The following NRXN3 variants were observed in gnomAD, a reference collection of about 807,000 sequenced individuals.
NRXN3 encodes the protein neurexin 3, also known as neurexin III.
In NRXN3, 32 loss-of-function variants were observed where a neutral mutation model predicts 137.6. The ratio of observed to expected loss-of-function variants is 0.23; its 90% CI spans 0.18 to 0.31. The LOEUF (loss-of-function observed/expected upper bound fraction) is 0.31. Among genes scored for constraint, NRXN3 ranks in the 10% least tolerant of loss-of-function variants. The pLI, the probability that NRXN3 is intolerant of heterozygous loss-of-function variation, is 1.00. For synonymous variants in NRXN3, 798 were observed against 784.5 expected (o/e 1.02, Z -0.29); for missense variants, 1,574 against 2,062.5 (o/e 0.76, Z 4.59).
At chr14:79,211,320 A>G (rs921481942) in intron 15 of NRXN3, among the ~76,000 whole-genome samples, 3 of 152,290 alleles carry the variant, frequency 2.0e-5, no homozygotes, top group Middle Eastern at 3.4e-3. Context: ...GCTCAATGTT[A>G]AATTGTTTTT....
intron 16 of NRXN3, among the ~76,000 whole-genome samples, chr14:79,586,626 C>T (rs1420475614): frequency 2.0e-5 from 3 of 152,128 alleles, no homozygotes; most frequent in Non-Finnish European, 4.4e-5. Flanking sequence ...TGAGCCACCG[C>T]GCCAGGCCCT....
At chr14:78,463,349 G>A (rs1350733503) in intron 4 of NRXN3, among the ~76,000 whole-genome samples, 1 of 113,312 alleles carries the variant, frequency 8.8e-6, no homozygotes, top group Non-Finnish European at 2.0e-5. Flanking sequence ...AATAGTGGCT[G>A]CAATAAACAT....
chr14:79,457,447 TAATCATGGAG>T (rs2096272932), intron 15 of NRXN3, among the ~76,000 whole-genome samples: 1 of 152,206 alleles, frequency 6.6e-6, no homozygotes, highest in South Asian at 2.1e-4. Flanking sequence ...GTCGCCTTCT[TAATCATGGAG>T]AAACTGAGGC....
At chr14:78,974,456 A>G (rs1011396815) in intron 14 of NRXN3, among the ~76,000 whole-genome samples, 6 of 152,212 alleles carry the variant, frequency 3.9e-5, no homozygotes, top group Non-Finnish European at 7.4e-5. Flanking sequence ...CCAAAGGAAT[A>G]ATGGTTTGTA....
chr14:78,418,599 A>G (rs2093277483), intron 4 of NRXN3, among the ~76,000 whole-genome samples: 1 of 152,152 alleles, frequency 6.6e-6, no homozygotes, highest in Non-Finnish European at 1.5e-5. Context: ...TGTGCCTTAC[A>G]AGGAAACAAG....
In NRXN3 at chr14:79,861,579, C is replaced by T. The variant is rs746905701; in HGVS notation, c.4331C>T (p.Pro1444Leu). The T allele has an allele frequency of 1.2e-6, 2 of 1,605,336 alleles. No homozygotes were observed. The highest frequency in any genetic ancestry group is 2.3e-5 in the East Asian group (1 of 44,400). ...LKPQPDIVLL[P>L]LPTAYELDST... ...CCCCAGCCTGATATAGTCTTGCTTC[C>T]GTTGCCCACTGCCTATGAGCTAGAC... Residue 1444 changes from proline (P) to leucine (L), a missense_variant, in exon 21 of 21, where the codon CCG becomes CTG. This residue lies in a region of NRXN3 where 320 missense variants were observed against 387.1 expected (regional missense o/e 0.83). Transcript: ENST00000335750. This position sits in a 1 kb window ranked among gnomAD's most constrained non-coding sequence, Gnocchi z 5.4.
chr14:78,640,364 C>T (rs1200495447), intron 4 of NRXN3, among the ~76,000 whole-genome samples: 1 of 152,170 alleles, frequency 6.6e-6, no homozygotes, highest in African/African-American at 2.4e-5. Flanking sequence ...AATGGTTCCC[C>T]ATAACTTATA....
At chr14:79,604,758 G>A (rs999798925) in intron 16 of NRXN3, among the ~76,000 whole-genome samples, 98 of 152,150 alleles carry the variant, frequency 6.4e-4, no homozygotes, top group African/African-American at 2.3e-3. Context: ...AGGGTTGGGT[G>A]TGGCGGCTCA....
chr14:79,663,243 T>TAC (rs1363675094), intron 16 of NRXN3, among the ~76,000 whole-genome samples: 1 of 147,562 alleles, frequency 6.8e-6, no homozygotes, highest in African/African-American at 2.6e-5. Context: ...TGTGTGTGTG[T>TAC]ACGCGTGTGT....
At chr14:78,505,294 G>A (rs2095965793) in intron 4 of NRXN3, among the ~76,000 whole-genome samples, 1 of 152,114 alleles carries the variant, frequency 6.6e-6, no homozygotes. Flanking sequence ...AGTGACATAA[G>A]CAGCTTCTTG....
At chr14:79,837,137 T>A (rs990075860) in intron 20 of NRXN3, among the ~76,000 whole-genome samples, 1 of 152,192 alleles carries the variant, frequency 6.6e-6, no homozygotes, top group Non-Finnish European at 1.5e-5. Flanking sequence ...TTGATTCTTA[T>A]GTTGAAAGGC....
intron 8 of NRXN3, among the ~76,000 whole-genome samples, chr14:78,730,422 A>G (rs2098509631): frequency 6.6e-6 from 1 of 151,666 alleles, no homozygotes; most frequent in Admixed American, 6.6e-5. Context: ...TTTTTCCCTG[A>G]TAAACCCCAC....
intron 1 of NRXN3, among the ~76,000 whole-genome samples, chr14:78,184,354 A>C (rs952157795): frequency 2.6e-5 from 4 of 152,140 alleles, no homozygotes; most frequent in African/African-American, 9.7e-5. Context: ...CACAACAGCC[A>C]CTCATGTCTT....
chr14:79,375,695 T>C (rs1400782439), intron 15 of NRXN3, among the ~76,000 whole-genome samples: 1 of 152,146 alleles, frequency 6.6e-6, no homozygotes, highest in Non-Finnish European at 1.5e-5. Context: ...AGCCCCATTT[T>C]AACCACTAAA....
At chr14:78,492,044 C>T (rs1285776113) in intron 4 of NRXN3, among the ~76,000 whole-genome samples, 1 of 152,150 alleles carries the variant, frequency 6.6e-6, no homozygotes, top group African/African-American at 2.4e-5. Context: ...CTCTCTTAGC[C>T]TCTGTTTCCT....
Position 79,663,794 on chromosome 14 carries a change from G to A in NRXN3, c.3461G>A (p.Gly1154Glu). Residue 1154 changes from glycine (G) to glutamate (E), a missense_variant, in exon 17 of 21, where the codon GGA (glycine) becomes GAA (glutamate). Gly to Glu is a moderately conservative substitution (Grantham distance 98). Coordinates refer to ENST00000335750, the MANE Select transcript of NRXN3 (RefSeq NM_001330195.2). ...TTATTATAGGAACAGGGGAAAATTG[G>A]AGTTGTCTTCAACATTGGCACAGTT... Reference protein sequence around the residue: ...LQLHIEQGKIGVVFNIGTVDI... With the variant: ...LQLHIEQGKIEVVFNIGTVDI... 6.2e-7 allele frequency: 1 copy of A among 1,612,818 alleles called. No homozygotes were observed. The highest frequency in any genetic ancestry group is 8.5e-7 in the Non-Finnish European group (1 of 1,179,380).
chr14:78,475,941 G>A (rs929750493), intron 4 of NRXN3, among the ~76,000 whole-genome samples: 2 of 151,400 alleles, frequency 1.3e-5, no homozygotes, highest in African/African-American at 2.4e-5. Context: ...TTATATTTTA[G>A]CAAAAGATAT....
At chr14:79,114,502 T>A (rs1055892817) in intron 15 of NRXN3, among the ~76,000 whole-genome samples, 31 of 152,286 alleles carry the variant, frequency 2.0e-4, no homozygotes, top group South Asian at 6.2e-4. Flanking sequence ...CATATTTTTT[T>A]AAAATAATAT....
chr14:78,442,009 T>C (rs2094268090), intron 4 of NRXN3, among the ~76,000 whole-genome samples: 1 of 150,572 alleles, frequency 6.6e-6, no homozygotes, highest in African/African-American at 2.4e-5. Flanking sequence ...GGCAGGAGAA[T>C]GGTGTGAACT....
Sources: allele counts gnomAD v4.1 joint callset (sites outside exome capture counted in the v4.1 genomes callset), GRCh38; gene constraint gnomAD v4.1.1; regional missense constraint gnomAD v4.1.1; non-coding constraint Gnocchi (gnomAD v3.1); transcripts MANE v1.5; gene names NCBI Gene and HGNC (gene_info 2026-07-23, HGNC 2026-07-21).